PCDH15: variants seen among roughly 807,000 people sequenced by gnomAD.
PCDH15 encodes the protein protocadherin-15.
A neutral mutation model predicts 178.5 loss-of-function variants in PCDH15; 129 were observed. That is an observed-to-expected ratio of 0.72 (90% CI 0.63 to 0.84). The LOEUF is 0.84. PCDH15 is among the 40% of genes least tolerant of loss of function. The pLI, the probability that PCDH15 is intolerant of heterozygous loss-of-function variation, is 0.00. For synonymous variants in PCDH15, 800 were observed against 732.0 expected, an observed-to-expected ratio of 1.09 and a Z score of -1.50; for missense variants, 2,230 against 2,099.9, an observed-to-expected ratio of 1.06 and a Z score of -1.21.
At chr10:55,026,474 G>T (rs1378750890) in intron 2 of PCDH15, among the ~76,000 whole-genome samples, 1 of 151,884 alleles carries the variant, frequency 6.6e-6, no homozygotes, top group African/African-American at 2.4e-5. Flanking sequence ...CATTGACTTA[G>T]CTGGCTTAAC....
At chr10:54,231,777 G>T (rs2054102228) in intron 9 of PCDH15, among the ~76,000 whole-genome samples, 1 of 152,218 alleles carries the variant, frequency 6.6e-6, no homozygotes, top group Non-Finnish European at 1.5e-5. Flanking sequence ...GGAGATTTAA[G>T]ATTTAATGAC....
intron 18 of PCDH15, among the ~76,000 whole-genome samples, chr10:54,025,985 TA>T (rs1374937498): frequency 2.0e-5 from 3 of 152,188 alleles, no homozygotes; most frequent in African/African-American, 7.2e-5. Context: ...TCAGAATTTT[TA>T]ACCTTGATAT....
At chr10:55,489,422 T>C (rs1840367455) in intron 2 of PCDH15, among the ~76,000 whole-genome samples, 1 of 151,666 alleles carries the variant, frequency 6.6e-6, no homozygotes, top group African/African-American at 2.4e-5. Context: ...TATTTAATTT[T>C]TATATTCACT....
chr10:54,105,400 A>C (rs1189210508), intron 15 of PCDH15, among the ~76,000 whole-genome samples: 10 of 151,118 alleles, frequency 6.6e-5, no homozygotes, highest in African/African-American at 2.4e-4. Flanking sequence ...ATTAAGTAGT[A>C]TTAACTCACA....
chr10:54,528,335 C>A, intron 2 of PCDH15: 1 of 1,493,654 alleles, frequency 6.7e-7, no homozygotes. Flanking sequence ...AAAACAAAGA[C>A]AGACAAGCAA....
chr10:54,422,379 T>C (rs1426562165), intron 3 of PCDH15, among the ~76,000 whole-genome samples: 5 of 152,116 alleles, frequency 3.3e-5, no homozygotes, highest in Non-Finnish European at 7.4e-5. Flanking sequence ...AGTGAATGTA[T>C]GTAGTTCCTA....
chr10:55,325,750 A>AAAAC (rs1266035839), intron 2 of PCDH15, among the ~76,000 whole-genome samples: 1 of 152,156 alleles, frequency 6.6e-6, no homozygotes, highest in Non-Finnish European at 1.5e-5. Context: ...GCAGCAAAAC[A>AAAAC]AAACAAACAA....
At chr10:54,704,511 G>A (rs1785900713) in intron 1 of PCDH15, among the ~76,000 whole-genome samples, 1 of 151,902 alleles carries the variant, frequency 6.6e-6, no homozygotes, top group African/African-American at 2.4e-5. Context: ...TTAAAAACTG[G>A]GCAAAAGACA....
At chr10:53,922,864 GA>G (rs1289569048) in intron 25 of PCDH15, among the ~76,000 whole-genome samples, 1 of 152,110 alleles carries the variant, frequency 6.6e-6, no homozygotes, top group Non-Finnish European at 1.5e-5. Flanking sequence ...GGGGTGGGTG[GA>G]TCACGAGGTC....
intron 7 of PCDH15, among the ~76,000 whole-genome samples, chr10:54,318,362 A>T (rs1337062846): frequency 6.6e-6 from 1 of 152,162 alleles, no homozygotes; most frequent in Non-Finnish European, 1.5e-5. Context: ...GGAGTGTTTA[A>T]CAGCTCTCCA....
intron 1 of PCDH15, among the ~76,000 whole-genome samples, chr10:54,724,710 C>T (rs1419128176): frequency 6.6e-6 from 1 of 150,808 alleles, no homozygotes; most frequent in Non-Finnish European, 1.5e-5. Flanking sequence ...AACGACTCAA[C>T]AGAAAAGCAA....
chr10:54,802,378 A>T (rs1190146700), upstream of PCDH15, among the ~76,000 whole-genome samples: 2 of 152,202 alleles, frequency 1.3e-5, no homozygotes, highest in African/African-American at 4.8e-5. Context: ...CAAATGTGTT[A>T]TACATTTTAA....
chr10:54,853,388 C>T (rs11004600), intron 3 of PCDH15, among the ~76,000 whole-genome samples: 1 of 89,418 alleles, frequency 1.1e-5, no homozygotes, highest in Admixed American at 1.3e-4. Context: ...CACATACATA[C>T]ATATATATAC....
At chr10:53,826,635 T>C (rs1439628370) in intron 32 of PCDH15, among the ~76,000 whole-genome samples, 1 of 152,096 alleles carries the variant, frequency 6.6e-6, no homozygotes, top group Non-Finnish European at 1.5e-5. Context: ...AACATCACCA[T>C]AAGGAATCCA....
intron 1 of PCDH15, among the ~76,000 whole-genome samples, chr10:55,240,818 C>A (rs988486695): frequency 6.6e-6 from 1 of 152,206 alleles, no homozygotes; most frequent in South Asian, 2.1e-4. Context: ...TTTCTTATTA[C>A]CAAGCATTCT....
At chr10:53,858,321 C>T (rs886616984) in intron 27 of PCDH15, among the ~76,000 whole-genome samples, 1 of 152,042 alleles carries the variant, frequency 6.6e-6, no homozygotes, top group Admixed American at 6.6e-5. Flanking sequence ...ATAGAGACCC[C>T]ATTAGGGGTC....
At chr10:54,360,492 C>T (rs1462040152) in intron 5 of PCDH15, among the ~76,000 whole-genome samples, 1 of 151,968 alleles carries the variant, frequency 6.6e-6, no homozygotes, top group Non-Finnish European at 1.5e-5. Flanking sequence ...TAAAAATTAC[C>T]TCTATGGTGA....
chr10:54,175,112 G>A (rs1055059330), intron 13 of PCDH15, among the ~76,000 whole-genome samples: 9 of 151,950 alleles, frequency 5.9e-5, no homozygotes, highest in African/African-American at 2.2e-4. Flanking sequence ...GACTTTATCC[G>A]GTATTTGCTG....
chr10:54,677,354 T>C (rs567932791), intron 1 of PCDH15, among the ~76,000 whole-genome samples: 13 of 152,218 alleles, frequency 8.5e-5, no homozygotes, highest in East Asian at 1.9e-4. Flanking sequence ...CAGGGACAGA[T>C]TGAGAGCCCA....
Sources: allele counts gnomAD v4.1 joint callset (sites outside exome capture counted in the v4.1 genomes callset), GRCh38; gene constraint gnomAD v4.1.1; transcripts MANE v1.5; gene names NCBI Gene and HGNC (gene_info 2026-07-23, HGNC 2026-07-21).